GRM8: variants seen among roughly 807,000 people sequenced by gnomAD.
The protein encoded by GRM8 is glutamate metabotropic receptor 8.
In GRM8, 47 loss-of-function variants were observed where a neutral mutation model predicts 87.2. That is an observed-to-expected ratio of 0.54 (90% CI 0.43 to 0.69). The LOEUF (loss-of-function observed/expected upper bound fraction) is 0.69, where lower values mean the gene tolerates loss of function less well. GRM8 is among the 30% of genes least tolerant of loss of function. The pLI is 0.00. For synonymous variants in GRM8, 396 were observed against 404.5 expected (o/e 0.98, Z 0.25); for missense variants, 1,019 against 1,139.2 (o/e 0.89, Z 1.52).
chr7:126,821,674 A>C (rs1393656092), intron 6 of GRM8, among the ~76,000 whole-genome samples: 6 of 152,186 alleles, frequency 3.9e-5, no homozygotes, highest in Non-Finnish European at 7.3e-5. Context: ...AGATTTAAAG[A>C]AAAGTTTCCA....
intron 2 of GRM8, among the ~76,000 whole-genome samples, chr7:127,183,042 T>C (rs1054007490): frequency 2.0e-5 from 3 of 151,640 alleles, no homozygotes; most frequent in African/African-American, 4.8e-5. Flanking sequence ...CAATAACTTA[T>C]GGAAAAATTA....
chr7:126,744,776 C>T (rs773889481), intron 7 of GRM8, among the ~76,000 whole-genome samples: 30 of 151,894 alleles, frequency 2.0e-4, no homozygotes, highest in Middle Eastern at 3.4e-3. Context: ...TCTTTACATT[C>T]CTCACCCAGA....
chr7:127,037,135 G>A (rs2132353666), intron 3 of GRM8, among the ~76,000 whole-genome samples: 1 of 152,260 alleles, frequency 6.6e-6, no homozygotes, highest in African/African-American at 2.4e-5. Context: ...TTACATGATG[G>A]TGAAATGGTT....
intron 9 of GRM8, among the ~76,000 whole-genome samples, chr7:126,486,090 C>T (rs771970787): frequency 3.3e-5 from 5 of 151,968 alleles, no homozygotes; most frequent in Non-Finnish European, 5.9e-5. Flanking sequence ...GCAGCTCATT[C>T]ATCAGACACT....
chr7:126,598,284 C>T (rs1325259341), intron 8 of GRM8, among the ~76,000 whole-genome samples: 3 of 151,906 alleles, frequency 2.0e-5, no homozygotes, highest in Non-Finnish European at 2.9e-5. Flanking sequence ...CAACTAGACA[C>T]CCTGAATACT....
At position 126,745,782 on chromosome 7, in the gene GRM8, C is replaced by T. The variant is rs529489359; in HGVS notation, c.1357+24083G>A. Among the ~76,000 whole-genome samples the T allele has an allele frequency of 4.0e-5, 6 of 151,786 alleles. No homozygotes were observed. In the East Asian group the frequency reaches 1.2e-3, roughly 29 times the overall value. On this transcript the variant is annotated intron_variant, in intron 7 of 10. Coordinates refer to ENST00000339582, the MANE Select transcript of GRM8 (RefSeq NM_000845.3). ...AATTTCTTCTTGCACACTGGATTTT[C>T]ACAAGATTATTCCTCTTACCTTGTG...
rs150723826 is a variant in GRM8, at chr7:126,716,959, T to C, written c.1357+52906A>G. Reference sequence around the variant, plus strand: ...GAGCAGAAAAAAGATAAGAGTTCCTTAAAATCTTTTGAGGTGGAGAAAAGG... The same window carrying C: ...GAGCAGAAAAAAGATAAGAGTTCCTCAAAATCTTTTGAGGTGGAGAAAAGG... On this transcript the variant is annotated intron_variant, in intron 7 of 10. Coordinates refer to ENST00000339582, the MANE Select transcript of GRM8 (RefSeq NM_000845.3). 7.5e-4 allele frequency among the ~76,000 whole-genome samples: 114 copies of C among 152,220 alleles called. 1 individual carries two copies. The highest frequency in any genetic ancestry group is 3.4e-3 in the Middle Eastern group (1 of 294).
chr7:126,816,004 TTA>T (rs143861156), intron 6 of GRM8, among the ~76,000 whole-genome samples: 8 of 150,300 alleles, frequency 5.3e-5, no homozygotes, highest in Middle Eastern at 3.4e-3. Flanking sequence ...GGCCAGATTT[TTA>T]TATATATATA....
intron 9 of GRM8, among the ~76,000 whole-genome samples, chr7:126,471,831 T>C (rs1182772383): frequency 6.6e-6 from 1 of 152,136 alleles, no homozygotes; most frequent in Non-Finnish European, 1.5e-5. Flanking sequence ...GAGCATGGAA[T>C]GTTCTTCCAT....
intron 7 of GRM8, among the ~76,000 whole-genome samples, chr7:126,614,154 G>A (rs1247620865): frequency 2.0e-5 from 3 of 152,102 alleles, no homozygotes; most frequent in Non-Finnish European, 2.9e-5. Context: ...CACCTCACAC[G>A]GCCGGGTACC....
intron 7 of GRM8, among the ~76,000 whole-genome samples, chr7:126,642,655 A>T (rs1238096957): frequency 2.0e-5 from 3 of 152,052 alleles, no homozygotes; most frequent in Admixed American, 6.6e-5. Flanking sequence ...AATAATAATA[A>T]TAACAATAAT....
chr7:127,074,007 A>G (rs961469321), intron 3 of GRM8, among the ~76,000 whole-genome samples: 1 of 152,234 alleles, frequency 6.6e-6, no homozygotes, highest in Non-Finnish European at 1.5e-5. Flanking sequence ...TGTTTTCAGC[A>G]TTATAGAAGT....
intron 7 of GRM8, among the ~76,000 whole-genome samples, chr7:126,694,854 C>T (rs981974455): frequency 6.6e-6 from 1 of 152,152 alleles, no homozygotes; most frequent in African/African-American, 2.4e-5. Context: ...TGTTCAGCTC[C>T]AAGTCCAGCC....
chr7:126,441,227 G>A (rs959178017), intron 10 of GRM8, among the ~76,000 whole-genome samples: 1 of 151,980 alleles, frequency 6.6e-6, no homozygotes, highest in African/African-American at 2.4e-5. Context: ...CATGTGAATT[G>A]CCAATGCATA....
At chr7:126,615,571 C>T (rs375287272) in intron 7 of GRM8, among the ~76,000 whole-genome samples, 1 of 152,138 alleles carries the variant, frequency 6.6e-6, no homozygotes, top group Non-Finnish European at 1.5e-5. Context: ...TTAAAAGACA[C>T]AGACTGGCAA....
chr7:127,196,786 T>C (rs937372683), intron 2 of GRM8, among the ~76,000 whole-genome samples: 1 of 152,232 alleles, frequency 6.6e-6, no homozygotes, highest in African/African-American at 2.4e-5. Context: ...TTAACTTCTC[T>C]GTGCCTCAGT....
chr7:126,705,684 G>C (rs1212924898), intron 7 of GRM8, among the ~76,000 whole-genome samples: 1 of 146,500 alleles, frequency 6.8e-6, no homozygotes, highest in African/African-American at 2.4e-5. Context: ...TCATGAATGT[G>C]TTATTTGAAC....
chr7:126,966,217 T>G (rs1809847083), intron 3 of GRM8, among the ~76,000 whole-genome samples: 1 of 152,078 alleles, frequency 6.6e-6, no homozygotes, highest in African/African-American at 2.4e-5. Flanking sequence ...TCACTGCAAC[T>G]TCTGCCTCCT....
chr7:126,985,522 C>A (rs1811969147), intron 3 of GRM8, among the ~76,000 whole-genome samples: 2 of 152,102 alleles, frequency 1.3e-5, no homozygotes, highest in African/African-American at 4.8e-5. Flanking sequence ...AACAGAATAC[C>A]TGAAACTGGT....
Sources: allele counts gnomAD v4.1 joint callset (sites outside exome capture counted in the v4.1 genomes callset), GRCh38; gene constraint gnomAD v4.1.1; transcripts MANE v1.5; gene names NCBI Gene and HGNC (gene_info 2026-07-23, HGNC 2026-07-21).